Variants in CAST observed in about 807,000 individuals in gnomAD.
The protein encoded by CAST is calpastatin.
CAST carries 76 observed loss-of-function variants against 119.6 expected under a neutral mutation model. The ratio of observed to expected loss-of-function variants is 0.64; its 90% CI spans 0.53 to 0.77. The LOEUF is 0.77. Ranked by LOEUF, CAST falls within the 30% of genes least tolerant of loss-of-function variation. The pLI is 0.00. For missense variants in CAST, 953 were observed against 946.5 expected, an observed-to-expected ratio of 1.01 and a Z score of -0.09; for synonymous variants, 319 against 331.6, an observed-to-expected ratio of 0.96 and a Z score of 0.41.
chr5:96,097,500 A>G, the CAST span, among the ~76,000 whole-genome samples: 2 of 151,944 alleles, frequency 1.3e-5, no homozygotes, highest in African/African-American at 4.8e-5. Flanking sequence ...CCCCACTCTG[A>G]AGGCCACAGT....
the CAST span, among the ~76,000 whole-genome samples, chr5:96,175,514 CAT>C: frequency 1.3e-5 from 2 of 152,148 alleles, no homozygotes; most frequent in Non-Finnish European, 2.9e-5. Flanking sequence ...CTAGTAAACA[CAT>C]AAATGATTGA....
intron 1 of CAST, among the ~76,000 whole-genome samples, chr5:96,560,421 C>T (rs1746333258): frequency 6.6e-6 from 1 of 151,450 alleles, no homozygotes; most frequent in African/African-American, 2.4e-5. Flanking sequence ...GAACAGGCAA[C>T]CTACAAAATG....
the CAST span, among the ~76,000 whole-genome samples, chr5:96,361,659 C>T: frequency 6.6e-6 from 1 of 152,066 alleles, no homozygotes; most frequent in African/African-American, 2.4e-5. Context: ...CCGTGGGCTG[C>T]ACCCACTGTC....
chr5:96,521,228 C>T (rs937433929), upstream of CAST, among the ~76,000 whole-genome samples: 2 of 152,164 alleles, frequency 1.3e-5, no homozygotes. Context: ...CAAACTAAGC[C>T]AATTTGATCA....
At chr5:96,598,444 T>C (rs915845644) in intron 1 of CAST, among the ~76,000 whole-genome samples, 4 of 152,120 alleles carry the variant, frequency 2.6e-5, no homozygotes, top group Non-Finnish European at 5.9e-5. Flanking sequence ...CCCTCTCAGC[T>C]GCCCTGTCTC....
At chr5:96,065,269 T>A in the CAST span, among the ~76,000 whole-genome samples, 1 of 152,004 alleles carries the variant, frequency 6.6e-6, no homozygotes, top group Admixed American at 6.6e-5. Flanking sequence ...CAGTGAAATG[T>A]TTGGATTAAC....
chr5:96,762,483 T>G (rs1768357660), intron 25 of CAST, 111 bp downstream of exon 25: 5 of 646,390 alleles, frequency 7.7e-6, no homozygotes, highest in South Asian at 2.5e-5. Flanking sequence ...ATTAGGAAGA[T>G]CAGGCACCTT....
At chr5:96,712,307 C>A (rs1046803199) in intron 3 of CAST, among the ~76,000 whole-genome samples, 1 of 152,216 alleles carries the variant, frequency 6.6e-6, no homozygotes, top group East Asian at 1.9e-4. Context: ...TTCTTCTAAC[C>A]ATGACACAAC....
the CAST span, among the ~76,000 whole-genome samples, chr5:96,379,862 G>T: frequency 6.6e-6 from 1 of 152,070 alleles, no homozygotes; most frequent in Non-Finnish European, 1.5e-5. Context: ...TCGAATCTGG[G>T]TTAGCCCTAT....
chr5:96,008,199 G>A, the CAST span, among the ~76,000 whole-genome samples: 1 of 152,124 alleles, frequency 6.6e-6, no homozygotes, highest in African/African-American at 2.4e-5. Context: ...AACTTCTCCA[G>A]TTTTTTGATT....
the CAST span, among the ~76,000 whole-genome samples, chr5:96,238,347 A>ATCTTCT: frequency 9.9e-5 from 12 of 120,794 alleles, no homozygotes; most frequent in African/African-American, 3.6e-4. Context: ...CTTCTTCTTC[A>ATCTTCT]TCTTCATCTT....
the CAST span, among the ~76,000 whole-genome samples, chr5:96,000,050 C>G: frequency 6.6e-6 from 1 of 152,058 alleles, no homozygotes; most frequent in Non-Finnish European, 1.5e-5. Flanking sequence ...ATTTGCATAT[C>G]TTCTTTAGTG....
the CAST span, among the ~76,000 whole-genome samples, chr5:96,157,875 C>T: frequency 2.0e-5 from 3 of 152,142 alleles, no homozygotes; most frequent in Non-Finnish European, 2.9e-5. Flanking sequence ...TATTCAAGCA[C>T]GTAGATTTAG....
chr5:95,964,809 C>T, the CAST span, among the ~76,000 whole-genome samples: 2 of 151,708 alleles, frequency 1.3e-5, no homozygotes, highest in South Asian at 2.1e-4. Context: ...CTTATATACA[C>T]TGAGTAGCTA....
the CAST span, among the ~76,000 whole-genome samples, chr5:96,339,580 C>T: frequency 1.3e-5 from 2 of 152,208 alleles, no homozygotes; most frequent in Non-Finnish European, 2.9e-5. Context: ...ATTGGAAGAA[C>T]ACAGTTATAT....
chr5:96,625,272 C>G (rs1229216261), intron 1 of CAST, among the ~76,000 whole-genome samples: 1 of 152,160 alleles, frequency 6.6e-6, no homozygotes, highest in Non-Finnish European at 1.5e-5. Context: ...CTCTCTCTTT[C>G]TCTCTCCCTC....
At chr5:96,176,620 A>G in the CAST span, among the ~76,000 whole-genome samples, 3 of 152,180 alleles carry the variant, frequency 2.0e-5, no homozygotes, top group Admixed American at 1.3e-4. Context: ...GAATATGTAT[A>G]TTTTTGACAA....
At chr5:96,247,533 C>T in the CAST span, among the ~76,000 whole-genome samples, 1 of 152,242 alleles carries the variant, frequency 6.6e-6, no homozygotes, top group Non-Finnish European at 1.5e-5. Context: ...CATGTTCAAA[C>T]TGGAGAGAAA....
chr5:96,741,162 G>A (rs945246617), intron 13 of CAST, 104 bp from the exon 14 acceptor site: 6 of 684,834 alleles, frequency 8.8e-6, no homozygotes, highest in African/African-American at 3.6e-5. Flanking sequence ...TCATTTGGTA[G>A]CAAGGGAATT....
Sources: gnomAD v4.1 joint callset for allele counts (sites outside exome capture counted in the v4.1 genomes callset) on GRCh38, gnomAD v4.1.1 for gene constraint, MANE v1.5 for transcripts, NCBI Gene and HGNC (gene_info 2026-07-23, HGNC 2026-07-21) for gene names.